The following ABCC1 variants were observed in gnomAD, a reference collection of about 807,000 sequenced individuals.
ABCC1 encodes multidrug resistance-associated protein 1.
ABCC1 carries 83 observed loss-of-function variants against 172.9 expected under a neutral mutation model. That is an observed-to-expected ratio of 0.48 (90% confidence interval 0.40 to 0.58). The LOEUF (loss-of-function observed/expected upper bound fraction) is 0.58, where lower values mean the gene tolerates loss of function less well. Among genes scored for constraint, ABCC1 ranks in the 20% least tolerant of loss-of-function variants. The pLI, the probability that ABCC1 is intolerant of heterozygous loss-of-function variation, is 0.00. For missense variants in ABCC1, 1,817 were observed against 2,002.7 expected (o/e 0.91, Z 1.77); for synonymous variants, 937 against 825.2 (o/e 1.14, Z -2.32).
In ABCC1 at chr16:16,125,838, G is replaced by A. The variant is rs1364875540; in HGVS notation, c.3746G>A (p.Arg1249Gln). Residue 1249 changes from arginine (R) to glutamine (Q), a missense_variant, in exon 26 of 31, where the codon CGG becomes CAG. This residue lies in a region of ABCC1 where 1,412 missense variants were observed against 1,600.3 expected (regional missense o/e 0.88). Coordinates refer to ENST00000399410, the MANE Select transcript of ABCC1 (RefSeq NM_004996.4). ...ACCACGTACTTGAACTGGCTGGTTCGGATGTCATCTGAAATGGAAACCAAC... is the reference window on the plus strand; with the variant it reads ...ACCACGTACTTGAACTGGCTGGTTCAGATGTCATCTGAAATGGAAACCAAC... ...QVTTYLNWLV[R>Q]MSSEMETNIV... The A allele has an allele frequency of 1.2e-6, 2 of 1,613,966 alleles. No individual in the cohort carries two copies. Among genetic ancestry groups the A allele is most frequent in the Non-Finnish European group, 1.7e-6 (2 of 1,179,944 alleles).
intron 28 of ABCC1, among the ~76,000 whole-genome samples, chr16:16,135,093 A>G (rs140793106): frequency 8.5e-5 from 13 of 152,272 alleles, no homozygotes; most frequent in African/African-American, 2.6e-4. Flanking sequence ...ATCCAAAAAG[A>G]CACCGTCTTC....
intron 12 of ABCC1, among the ~76,000 whole-genome samples, chr16:16,057,367 A>T (rs1243224009): frequency 9.9e-6 from 1 of 100,752 alleles, no homozygotes; most frequent in Non-Finnish European, 2.4e-5. Context: ...TCAAAAAAGT[A>T]AAAAAAAAAA....
At chr16:15,987,633 A>C (rs756125738) in intron 1 of ABCC1, among the ~76,000 whole-genome samples, 1 of 152,162 alleles carries the variant, frequency 6.6e-6, no homozygotes, top group Non-Finnish European at 1.5e-5. Flanking sequence ...CTGAGTGACA[A>C]ACTTGCCCCC....
At chr16:16,014,667 C>T (rs767058710) in intron 4 of ABCC1, 39 bp downstream of exon 4, 11 of 1,608,880 alleles carry the variant, frequency 6.8e-6, no homozygotes, top group Non-Finnish European at 9.3e-6. Flanking sequence ...CTTCAGTGGA[C>T]CCGGAGGGAG....
At chr16:16,078,236 G>C (rs753316617) in intron 15 of ABCC1, among the ~76,000 whole-genome samples, 3 of 152,140 alleles carry the variant, frequency 2.0e-5, no homozygotes, top group Non-Finnish European at 4.4e-5. Context: ...AGTGAGTCCA[G>C]CAAAGGTTTG....
At chr16:16,138,714 CTTT>C (rs397973927) in intron 30 of ABCC1, among the ~76,000 whole-genome samples, 156 bp downstream of exon 30, 7 of 129,676 alleles carry the variant, frequency 5.4e-5, no homozygotes, top group Non-Finnish European at 9.7e-5. Context: ...CCAGCTATTT[CTTT>C]TTTTTTTTTT....
intron 14 of ABCC1, among the ~76,000 whole-genome samples, chr16:16,072,590 G>A (rs1228657224): frequency 6.6e-6 from 1 of 151,236 alleles, no homozygotes; most frequent in Non-Finnish European, 1.5e-5. Context: ...CTCTGCCTCA[G>A]CCTCCCAAAG....
intron 7 of ABCC1, among the ~76,000 whole-genome samples, chr16:16,043,222 G>A: frequency 1.1e-5 from 1 of 89,508 alleles, no homozygotes; most frequent in East Asian, 3.4e-4. Flanking sequence ...TGGCTGGACT[G>A]TTTTTTTTTT....
At chr16:16,004,384 A>C (rs2047440641) in intron 1 of ABCC1, among the ~76,000 whole-genome samples, 1 of 152,170 alleles carries the variant, frequency 6.6e-6, no homozygotes, top group Non-Finnish European at 1.5e-5. Flanking sequence ...ATGAGCTTTT[A>C]CTGGCAACTG....
At chr16:16,139,810 G>A (rs1485392313) in intron 30 of ABCC1, among the ~76,000 whole-genome samples, 1 of 152,090 alleles carries the variant, frequency 6.6e-6, no homozygotes, top group African/African-American at 2.4e-5. Flanking sequence ...GGTCATCTCT[G>A]AAGAGGTGAC....
intron 12 of ABCC1, among the ~76,000 whole-genome samples, chr16:16,058,731 A>G (rs961210177): frequency 3.9e-5 from 6 of 152,152 alleles, no homozygotes; most frequent in African/African-American, 1.4e-4. Context: ...GCTCACTGCA[A>G]TCTCTGCCTC....
intron 18 of ABCC1, 36 bp downstream of exon 18, chr16:16,087,027 G>A (rs755463914): frequency 2.4e-5 from 39 of 1,611,390 alleles, no homozygotes; most frequent in African/African-American, 1.2e-4. Flanking sequence ...GTGTTGGGCC[G>A]TCTCGCCCTT....
chr16:16,059,568 G>A (rs1175676818), intron 12 of ABCC1, among the ~76,000 whole-genome samples: 1 of 152,096 alleles, frequency 6.6e-6, no homozygotes, highest in Non-Finnish European at 1.5e-5. Context: ...ACTTTGGGAG[G>A]CCGAGGCGGG....
intron 23 of ABCC1, among the ~76,000 whole-genome samples, chr16:16,121,074 A>T (rs1438814396): frequency 6.6e-6 from 1 of 152,232 alleles, no homozygotes; most frequent in Non-Finnish European, 1.5e-5. Flanking sequence ...GCTTAGTGAC[A>T]TCATGCATAT....
intron 5 of ABCC1, among the ~76,000 whole-genome samples, chr16:16,019,269 A>G (rs1459151934): frequency 4.6e-5 from 7 of 151,890 alleles, no homozygotes; most frequent in Admixed American, 3.9e-4. Flanking sequence ...ATGCTCGACT[A>G]ATTTTTGCAT....
intron 17 of ABCC1, among the ~76,000 whole-genome samples, chr16:16,084,089 C>T (rs2050913694): frequency 2.0e-5 from 3 of 152,180 alleles, no homozygotes; most frequent in South Asian, 2.1e-4. Flanking sequence ...TCTTTCTTTT[C>T]TTTCTTTCTT....
intron 20 of ABCC1, among the ~76,000 whole-genome samples, chr16:16,103,842 T>G (rs1472801637): frequency 6.6e-6 from 1 of 152,148 alleles, no homozygotes; most frequent in Non-Finnish European, 1.5e-5. Flanking sequence ...TGGGTCTTGG[T>G]CTCACTGACT....
intron 30 of ABCC1, among the ~76,000 whole-genome samples, chr16:16,139,271 G>A (rs1337715194): frequency 6.6e-6 from 1 of 152,146 alleles, no homozygotes; most frequent in Non-Finnish European, 1.5e-5. Context: ...ATTGAACACT[G>A]CAGGCCCAGT....
At chr16:16,082,574 A>G (rs1345598388) in intron 16 of ABCC1, among the ~76,000 whole-genome samples, 3 of 152,052 alleles carry the variant, frequency 2.0e-5, no homozygotes, top group East Asian at 1.9e-4. Context: ...TGCTTGATAT[A>G]GGAGTCTTTG....
Sources: gnomAD v4.1 joint callset for allele counts (sites outside exome capture counted in the v4.1 genomes callset) on GRCh38, gnomAD v4.1.1 for gene constraint, gnomAD v4.1.1 regional missense constraint, MANE v1.5 for transcripts, NCBI Gene and HGNC (gene_info 2026-07-23, HGNC 2026-07-21) for gene names.